GRB10: variants seen among roughly 807,000 people sequenced by gnomAD.
GRB10 encodes the protein growth factor receptor-bound protein 10.
In GRB10, 20 loss-of-function variants were observed where a neutral mutation model predicts 80.9. The ratio of observed to expected loss-of-function variants is 0.25; its 90% confidence interval spans 0.17 to 0.36. The LOEUF is 0.36. Ranked by LOEUF, GRB10 falls within the 10% of genes least tolerant of loss-of-function variation. The probability of loss-of-function intolerance (pLI) is 1.00; values close to 1 mark genes in which losing one functional copy is unlikely to be tolerated. For synonymous variants in GRB10, 291 were observed against 291.5 expected, an observed-to-expected ratio of 1.00 and a Z score of 0.02; for missense variants, 548 against 747.7, an observed-to-expected ratio of 0.73 and a Z score of 3.12.
At chr7:50,606,189 T>A (rs898130490) in intron 14 of GRB10, 148 bp downstream of exon 14, 9 of 765,626 alleles carry the variant, frequency 1.2e-5, no homozygotes, top group Admixed American at 1.8e-5. Flanking sequence ...AAAACCCACG[T>A]CATCGTGGGA....
intron 2 of GRB10, among the ~76,000 whole-genome samples, chr7:50,759,700 G>A (rs2075536712): frequency 6.6e-6 from 1 of 152,142 alleles, no homozygotes; most frequent in African/African-American, 2.4e-5. Context: ...AGACGCACAA[G>A]CTGTGGAATA....
intron 13 of GRB10, among the ~76,000 whole-genome samples, chr7:50,612,445 A>G (rs1398071199): frequency 6.6e-6 from 1 of 152,130 alleles, no homozygotes; most frequent in Admixed American, 6.5e-5. Flanking sequence ...CACACATCTA[A>G]GTGGCCTGCA....
intron 7 of GRB10, among the ~76,000 whole-genome samples, chr7:50,666,641 G>A (rs892649033): frequency 5.3e-5 from 8 of 152,258 alleles, no homozygotes; most frequent in Non-Finnish European, 1.2e-4. Context: ...TGTGAGGAGC[G>A]CCAGGTCCAC....
At chr7:50,742,318 C>A (rs2072021895) in intron 3 of GRB10, among the ~76,000 whole-genome samples, 1 of 150,288 alleles carries the variant, frequency 6.7e-6, no homozygotes, top group African/African-American at 2.5e-5. Flanking sequence ...CACACACATA[C>A]ACGGCATCCA....
intron 2 of GRB10, among the ~76,000 whole-genome samples, chr7:50,770,527 C>A (rs981037183): frequency 6.6e-6 from 1 of 152,162 alleles, no homozygotes; most frequent in Non-Finnish European, 1.5e-5. Flanking sequence ...TATGAGTGAC[C>A]TCACCCCTAT....
rs552525662 is a variant in GRB10 at position 50,641,928 on chromosome 7, C to A, written c.505-14950G>T. On this transcript the variant is annotated intron_variant, in intron 7 of 18. Transcript: ENST00000401949. ...GCGTGGGAAGGCTCAACCTGGCCAG[C>A]GGCAGAGTACCAGGAAGTCTGCACG... 3.3e-5 allele frequency among the ~76,000 whole-genome samples: 5 copies of A among 152,248 alleles called. No individual in the cohort carries two copies. The East Asian group carries it at 9.7e-4, about 29-fold the overall frequency.
At chr7:50,697,925 G>A (rs2063655898) in intron 5 of GRB10, among the ~76,000 whole-genome samples, 1 of 152,214 alleles carries the variant, frequency 6.6e-6, no homozygotes, top group Non-Finnish European at 1.5e-5. Context: ...AACACGCCAA[G>A]AGGGAGGATG....
intron 7 of GRB10, among the ~76,000 whole-genome samples, chr7:50,629,602 G>C (rs1327602177): frequency 6.6e-6 from 1 of 152,168 alleles, no homozygotes; most frequent in Non-Finnish European, 1.5e-5. Context: ...AGAACACCAA[G>C]AAAGCCCTGT....
intron 2 of GRB10, among the ~76,000 whole-genome samples, chr7:50,772,433 A>C (rs908097771): frequency 6.6e-6 from 1 of 152,242 alleles, no homozygotes; most frequent in African/African-American, 2.4e-5. Flanking sequence ...AGGGAATTAA[A>C]TATCTGTTAA....
intron 7 of GRB10, among the ~76,000 whole-genome samples, chr7:50,660,801 AG>A (rs1459038089): frequency 6.6e-6 from 1 of 151,554 alleles, no homozygotes; most frequent in Non-Finnish European, 1.5e-5. Context: ...TGAAGCCACA[AG>A]GGACCATCCT....
intron 5 of GRB10, among the ~76,000 whole-genome samples, chr7:50,689,730 A>G (rs1040137723): frequency 3.3e-5 from 5 of 152,182 alleles, no homozygotes; most frequent in African/African-American, 9.7e-5. Flanking sequence ...ATATAATATT[A>G]GCCATGTTAA....
At chr7:50,643,782 CATATATGTATCTCT>C (rs2056707259) in intron 7 of GRB10, among the ~76,000 whole-genome samples, 1 of 152,050 alleles carries the variant, frequency 6.6e-6, no homozygotes, top group African/African-American at 2.4e-5. Context: ...TATATATGTG[CATATATGTATCTCT>C]ATATATGTAC....
At chr7:50,759,587 T>C (rs1185058809) in intron 2 of GRB10, among the ~76,000 whole-genome samples, 1 of 152,246 alleles carries the variant, frequency 6.6e-6, no homozygotes, top group African/African-American at 2.4e-5. Flanking sequence ...CTGTATTGTT[T>C]TTATTTGAAT....
In GRB10 at chr7:50,595,602, TACACAC is replaced by T. The variant is rs59746858; in HGVS notation, c.1545-78_1545-73del. The T allele has an allele frequency of 3.4e-3, 1,905 of 561,026 alleles. 1 individual carries two copies. The highest frequency in any genetic ancestry group is 5.2e-3 in the Middle Eastern group (12 of 2,316). The allele number at this position is 561,026 out of a possible 1,614,324, so 34.8% of individuals were successfully genotyped here. ...AACTAATCACACACACACACTCTCT[TACACAC>T]ACACACACACACACACACACACACA... On this transcript the variant is annotated intron_variant, in intron 17 of 18. Coordinates refer to ENST00000401949, the MANE Select transcript of GRB10 (RefSeq NM_001350814.2).
At chr7:50,704,601 C>T (rs1308851737) in intron 4 of GRB10, among the ~76,000 whole-genome samples, 1 of 152,210 alleles carries the variant, frequency 6.6e-6, no homozygotes, top group Admixed American at 6.5e-5. Context: ...TGTACCACTA[C>T]TGTAATTAGA....
At chr7:50,685,490 G>A (rs1362867163) in intron 5 of GRB10, among the ~76,000 whole-genome samples, 1 of 152,148 alleles carries the variant, frequency 6.6e-6, no homozygotes, top group Non-Finnish European at 1.5e-5. Flanking sequence ...GCCCGAAGGA[G>A]GGATCCCAAG....
At chr7:50,628,614 C>T (rs929238609) in intron 7 of GRB10, among the ~76,000 whole-genome samples, 3 of 152,044 alleles carry the variant, frequency 2.0e-5, no homozygotes, top group Admixed American at 6.5e-5. Context: ...CGGAAGAGCC[C>T]TTCTCTGTGA....
chr7:50,788,789 C>T (rs879232210), intron 1 of GRB10, among the ~76,000 whole-genome samples: 3 of 152,194 alleles, frequency 2.0e-5, no homozygotes, highest in African/African-American at 2.4e-5. Context: ...CCAGGATAAG[C>T]GGTCCACAGT....
chr7:50,773,335 G>T (rs937811779), intron 2 of GRB10, among the ~76,000 whole-genome samples: 4 of 147,444 alleles, frequency 2.7e-5, no homozygotes, highest in African/African-American at 1.0e-4. Context: ...AGGAAAGAAA[G>T]GGGAAGGGGA....
Sources: allele counts gnomAD v4.1 joint callset (sites outside exome capture counted in the v4.1 genomes callset), GRCh38; gene constraint gnomAD v4.1.1; transcripts MANE v1.5; gene names NCBI Gene and HGNC (gene_info 2026-07-23, HGNC 2026-07-21).